Variants in DYNC2I1 observed in about 807,000 individuals in gnomAD.
DYNC2I1 encodes the protein cytoplasmic dynein 2 intermediate chain 1.
Under a neutral mutation model 133.4 loss-of-function variants are expected in DYNC2I1, and 89 were observed. The ratio of observed to expected loss-of-function variants is 0.67; its 90% CI spans 0.56 to 0.80. The LOEUF (loss-of-function observed/expected upper bound fraction) is 0.80. Ranked by LOEUF, DYNC2I1 falls within the 30% of genes least tolerant of loss-of-function variation. The pLI, the probability that DYNC2I1 is intolerant of heterozygous loss-of-function variation, is 0.00. For missense variants in DYNC2I1, 1,291 were observed against 1,314.5 expected (o/e 0.98, Z 0.28); for synonymous variants, 504 against 484.3 (o/e 1.04, Z -0.54).
intron 24 of DYNC2I1, among the ~76,000 whole-genome samples, chr7:158,943,381 TG>T (rs1336169451): frequency 6.6e-6 from 1 of 152,106 alleles, no homozygotes; most frequent in Non-Finnish European, 1.5e-5. Context: ...CCCTCCCTGG[TG>T]GGCAAGAAAG....
chr7:158,917,162 G>A (rs1385629750), intron 14 of DYNC2I1, among the ~76,000 whole-genome samples: 4 of 121,768 alleles, frequency 3.3e-5, no homozygotes, highest in South Asian at 5.1e-4. Context: ...ATTGTGAAAT[G>A]TTGACACGTG....
Position 158,879,755 on chromosome 7 carries a change from C to T in DYNC2I1, c.645C>T (p.His215=), listed in dbSNP as rs1325857101. ...ATAAAGAAGAAGGCGAGAGGAGACA[C>T]AGGAAGCCCAGAGAGCCAGATCGAG... ...WLYKEEGERR[H]RKPREPDRDN... is the part of the protein sequence containing the mutation. Residue 215 remains histidine (H), a synonymous_variant, in exon 5 of 25, where the codon CAC becomes CAT. Coordinates refer to ENST00000407559, the MANE Select transcript of DYNC2I1 (RefSeq NM_018051.5). 2 of 1,608,180 alleles carry T rather than the reference C, an allele frequency of 1.2e-6. No individual in the cohort carries two copies. Among genetic ancestry groups the T allele is most frequent in the Non-Finnish European group, 1.7e-6 (2 of 1,178,546 alleles).
the DYNC2I1 span, among the ~76,000 whole-genome samples, chr7:158,850,435 C>T: frequency 6.6e-6 from 1 of 152,358 alleles, no homozygotes; most frequent in Non-Finnish European, 1.5e-5. Context: ...CCAGGGAGCT[C>T]CCGTCCCAAC....
chr7:158,851,407 G>C, the DYNC2I1 span, among the ~76,000 whole-genome samples: 49 of 123,726 alleles, frequency 4.0e-4, no homozygotes, highest in Non-Finnish European at 1.6e-5. Flanking sequence ...GTGGTGGCTG[G>C]TGCCTGTAAT....
intron 10 of DYNC2I1, chr7:158,902,829 C>T: frequency 1.9e-6 from 1 of 519,676 alleles, no homozygotes; most frequent in Non-Finnish European, 3.4e-6. Flanking sequence ...ACTTTCTGCT[C>T]AGCACCCAGG....
intron 4 of DYNC2I1, 132 bp downstream of exon 4, chr7:158,876,823 A>C: frequency 8.4e-7 from 1 of 1,194,618 alleles, no homozygotes; most frequent in Non-Finnish European, 1.1e-6. Context: ...GGCCTCCAGC[A>C]CTGTGTATAG....
chr7:158,886,326 G>A (rs775425731), intron 6 of DYNC2I1, among the ~76,000 whole-genome samples: 3 of 151,898 alleles, frequency 2.0e-5, no homozygotes, highest in Admixed American at 6.6e-5. Flanking sequence ...TAGAGATGGG[G>A]TTTCTCCATG....
intron 1 of DYNC2I1, chr7:158,869,447 G>T: frequency 4.2e-6 from 2 of 471,704 alleles, no homozygotes; most frequent in South Asian, 3.1e-5. Flanking sequence ...CCCAGCGGCC[G>T]CAGAAGGAGC....
At chr7:158,874,123 C>T (rs1843129528) in intron 3 of DYNC2I1, among the ~76,000 whole-genome samples, 1 of 152,012 alleles carries the variant, frequency 6.6e-6, no homozygotes, top group Non-Finnish European at 1.5e-5. Context: ...CCAGGCTGGT[C>T]TTGAACTGGT....
chr7:158,945,329 TC>T lies in DYNC2I1; in HGVS notation c.3003-249del, dbSNP rs1221368619. Among the ~76,000 whole-genome samples, 5 of 152,074 alleles carry T rather than the reference TC, an allele frequency of 3.3e-5. No homozygotes were observed. Among genetic ancestry groups the T allele is most frequent in the African/African-American group, 1.2e-4 (5 of 41,406 alleles). On this transcript the variant is annotated intron_variant, in intron 24 of 24. Transcript: ENST00000407559. The surrounding 1 kb of genome is among the most constrained non-coding windows in gnomAD (Gnocchi z 4.1). Reference sequence around the variant, plus strand: ...CAGGGACCTGCTGGGGGCTACTGACTCCCGGCCTGAGGAGACAGCAGCACGT... The same window carrying T: ...CAGGGACCTGCTGGGGGCTACTGACTCCGGCCTGAGGAGACAGCAGCACGT...
At chr7:158,842,869 G>A in the DYNC2I1 span, among the ~76,000 whole-genome samples, 1 of 152,210 alleles carries the variant, frequency 6.6e-6, no homozygotes, top group Non-Finnish European at 1.5e-5. Context: ...ACACCATGTT[G>A]TGTATCTGTA....
intron 4 of DYNC2I1, among the ~76,000 whole-genome samples, chr7:158,953,844 A>C (rs1852125093): frequency 6.6e-6 from 1 of 152,088 alleles, no homozygotes; most frequent in Non-Finnish European, 1.5e-5. Context: ...AATGGCATAT[A>C]TGTTATATAT....
chr7:158,949,173 A>C (rs1851977028), downstream of DYNC2I1, among the ~76,000 whole-genome samples: 1 of 152,254 alleles, frequency 6.6e-6, no homozygotes, highest in Non-Finnish European at 1.5e-5. Flanking sequence ...ACTCAACACC[A>C]GGAACACCCC....
intron 1 of DYNC2I1, among the ~76,000 whole-genome samples, chr7:158,865,248 G>A (rs576562099): frequency 2.5e-4 from 38 of 152,304 alleles, no homozygotes; most frequent in African/African-American, 8.7e-4. Context: ...TTGGATTTCA[G>A]GATGAGATGA....
chr7:158,868,498 G>T (rs2129477127), intron 1 of DYNC2I1, among the ~76,000 whole-genome samples: 1 of 152,368 alleles, frequency 6.6e-6, no homozygotes, highest in East Asian at 1.9e-4. Context: ...AACATCAGAG[G>T]AGCTGGACGG....
chr7:158,910,244 G>T (rs963486673), intron 11 of DYNC2I1, among the ~76,000 whole-genome samples: 1 of 152,272 alleles, frequency 6.6e-6, no homozygotes, highest in African/African-American at 2.4e-5. Flanking sequence ...AGGAAGCCAC[G>T]TGGGTGCGGC....
At chr7:158,926,795 A>G (rs1311822989) in intron 19 of DYNC2I1, among the ~76,000 whole-genome samples, 197 bp from the exon 20 acceptor site, 1 of 152,252 alleles carries the variant, frequency 6.6e-6, no homozygotes, top group Non-Finnish European at 1.5e-5. Context: ...CACCAAGTGA[A>G]GAGAACACGA....
At chr7:158,938,789 G>A (rs1465194433) in intron 23 of DYNC2I1, among the ~76,000 whole-genome samples, 3 of 151,988 alleles carry the variant, frequency 2.0e-5, no homozygotes, top group Non-Finnish European at 4.4e-5. Context: ...AAATGCTAAA[G>A]GGAGTTCTTC....
At chr7:158,867,301 G>T (rs937338953) in intron 1 of DYNC2I1, among the ~76,000 whole-genome samples, 1 of 152,124 alleles carries the variant, frequency 6.6e-6, no homozygotes, top group African/African-American at 2.4e-5. Flanking sequence ...TTGTACCGGG[G>T]TTGTAGGGCT....
Sources: gnomAD v4.1 joint callset for allele counts (sites outside exome capture counted in the v4.1 genomes callset) on GRCh38, gnomAD v4.1.1 for gene constraint, Gnocchi (gnomAD v3.1) non-coding constraint, MANE v1.5 for transcripts, NCBI Gene and HGNC (gene_info 2026-07-23, HGNC 2026-07-21) for gene names.